Variants in BCAS3 observed in about 807,000 individuals in gnomAD.
BCAS3 encodes BCAS3 microtubule associated cell migration factor.
Under a neutral mutation model 116.1 loss-of-function variants are expected in BCAS3, and 53 were observed. The ratio of observed to expected loss-of-function variants is 0.46; its 90% confidence interval spans 0.37 to 0.57. The LOEUF (loss-of-function observed/expected upper bound fraction) is 0.57, where lower values mean the gene tolerates loss of function less well. Among genes scored for constraint, BCAS3 ranks in the 20% least tolerant of loss-of-function variants. The probability of loss-of-function intolerance (pLI) is 0.00; values close to 1 mark genes in which losing one functional copy is unlikely to be tolerated. For synonymous variants in BCAS3, 391 were observed against 408.2 expected, an observed-to-expected ratio of 0.96 and a Z score of 0.51; for missense variants, 917 against 1,165.4, an observed-to-expected ratio of 0.79 and a Z score of 3.10.
chr17:60,694,454 C>T (rs2035308657), intron 4 of BCAS3, among the ~76,000 whole-genome samples: 1 of 151,916 alleles, frequency 6.6e-6, no homozygotes, highest in Non-Finnish European at 1.5e-5. Flanking sequence ...CAAGCCGAGA[C>T]TGTGCCACTG....
chr17:61,384,625 G>A (rs2059759869), intron 23 of BCAS3: 1 of 152,290 alleles, frequency 6.6e-6, no homozygotes, highest in Non-Finnish European at 1.5e-5. Context: ...GGCCGATCCT[G>A]AGCATGGCTC....
intron 22 of BCAS3, among the ~76,000 whole-genome samples, chr17:61,183,286 T>C (rs962773508): frequency 2.6e-5 from 4 of 152,124 alleles, no homozygotes; most frequent in African/African-American, 7.2e-5. Flanking sequence ...TGTGAAGAGC[T>C]CATAAGAACA....
rs746644067 is a variant in BCAS3, at chr17:61,140,358, C to G, written c.2425+55794C>G. Among the ~76,000 whole-genome samples, 7 of 152,152 alleles carry G rather than the reference C, an allele frequency of 4.6e-5. No individual in the cohort carries two copies. Among genetic ancestry groups the G allele is most frequent in the Non-Finnish European group, 2.9e-5 (2 of 68,030 alleles). On this transcript the variant is annotated intron_variant, in intron 22 of 23. Transcript: ENST00000407086. This position sits in a 1 kb window ranked among gnomAD's most constrained non-coding sequence, Gnocchi z 4.2. ...GGATAGCTGTGGAAGATCCAACTGTCAAGGAAGGTTAGGACCAGACTCTGA... is the reference window on the plus strand; with the variant it reads ...GGATAGCTGTGGAAGATCCAACTGTGAAGGAAGGTTAGGACCAGACTCTGA...
In BCAS3 at chr17:61,313,647, C is replaced by T. The variant is rs181565126; in HGVS notation, c.2426-54680C>T. ...TCGGCGTCCTCCCTCGGGTCCTGCT[C>T]GCTGAAGAGGTACAGCATCTGGAGG... On this transcript the variant is annotated intron_variant, in intron 22 of 23. Transcript: ENST00000407086. This position sits in a 1 kb window ranked among gnomAD's most constrained non-coding sequence, Gnocchi z 4.3. 5.9e-5 allele frequency among the ~76,000 whole-genome samples: 9 copies of T among 152,304 alleles called. No homozygotes were observed. In the East Asian group the frequency reaches 9.7e-4, roughly 16 times the overall value.
At chr17:61,116,806 T>C (rs2109126) in intron 22 of BCAS3, among the ~76,000 whole-genome samples, 145,992 of 152,258 alleles carry the variant, frequency 0.96, 70,321 homozygotes, top group East Asian at 1. Context: ...GAAAAAAATA[T>C]TGTGTTACTT....
rs529994600 is a variant in BCAS3 at position 61,313,938 on chromosome 17, C to T, written c.2426-54389C>T. Among the ~76,000 whole-genome samples the T allele has an allele frequency of 6.6e-6, 1 of 152,350 alleles. No individual in the cohort carries two copies. Among genetic ancestry groups the T allele is most frequent in the Non-Finnish European group, 1.5e-5 (1 of 68,026 alleles). On this transcript the variant is annotated intron_variant, in intron 22 of 23. Coordinates refer to ENST00000407086, the MANE Select transcript of BCAS3 (RefSeq NM_017679.5). The surrounding 1 kb of genome is among the most constrained non-coding windows in gnomAD (Gnocchi z 4.3). ...ATACTTAGTGCTGGCTCCAGAGTCT[C>T]GTGGGGGAAGCCGGCTGGCAGCACA...
intron 23 of BCAS3, among the ~76,000 whole-genome samples, chr17:61,375,831 C>A (rs1253676067): frequency 1.3e-5 from 2 of 152,152 alleles, no homozygotes; most frequent in Non-Finnish European, 2.9e-5. Flanking sequence ...CCTCGGCCTC[C>A]CAAAGTGCTG....
In BCAS3 at chr17:61,016,514, G is replaced by T. The variant is rs1406975081; in HGVS notation, c.1637+613G>T. On this transcript the variant is annotated intron_variant, in intron 16 of 23. Coordinates refer to ENST00000407086, the MANE Select transcript of BCAS3 (RefSeq NM_017679.5). ...TATTTTAGCAATTTGCTACCCCTTA[G>T]GAATATAAGATTATCACTTCAATAG... Among the ~76,000 whole-genome samples the T allele has an allele frequency of 3.9e-5, 6 of 152,026 alleles. No homozygotes were observed. The East Asian group carries it at 1.2e-3, about 29-fold the overall frequency.
At chr17:60,830,191 A>G (rs1236582018) in intron 7 of BCAS3, among the ~76,000 whole-genome samples, 1 of 152,164 alleles carries the variant, frequency 6.6e-6, no homozygotes, top group Non-Finnish European at 1.5e-5. Flanking sequence ...GGGTTTCACC[A>G]TGTTAGCCAG....
chr17:61,157,835 C>T (rs2077950652), intron 22 of BCAS3, among the ~76,000 whole-genome samples: 1 of 152,182 alleles, frequency 6.6e-6, no homozygotes, highest in Admixed American at 6.5e-5. Context: ...TGTCTTCATT[C>T]ATCTATTTTA....
At chr17:60,771,475 T>A (rs937102520) in intron 6 of BCAS3, among the ~76,000 whole-genome samples, 1 of 152,198 alleles carries the variant, frequency 6.6e-6, no homozygotes, top group African/African-American at 2.4e-5. Context: ...ATCAAACTTT[T>A]AAAAGAAACG....
At chr17:61,304,637 A>G (rs932474326) in intron 22 of BCAS3, among the ~76,000 whole-genome samples, 1 of 151,990 alleles carries the variant, frequency 6.6e-6, no homozygotes, top group Non-Finnish European at 1.5e-5. Context: ...TTGGACTTTC[A>G]TAGAGCTCTG....
chr17:61,073,481 A>G lies in BCAS3; in HGVS notation c.2030-1439A>G, dbSNP rs542738554. The stretch of plus-strand genomic sequence containing the variant: ...CTAAGATACAGTTTTTCAAAATACT[A>G]CCTTGTTCTAGCAAGAGCTCAGTGA... On this transcript the variant is annotated intron_variant, in intron 19 of 23. Transcript: ENST00000407086. The surrounding 1 kb of genome is among the most constrained non-coding windows in gnomAD (Gnocchi z 4.6). Among the ~76,000 whole-genome samples the G allele has an allele frequency of 1.2e-4, 19 of 152,258 alleles. No individual in the cohort carries two copies. The highest frequency in any genetic ancestry group is 2.5e-4 in the Non-Finnish European group (17 of 68,010).
In BCAS3 at chr17:61,355,565, C is replaced by T. The variant is rs2058094471; in HGVS notation, c.2426-12762C>T. ...CCTAGGATCCTAATCCTGACTGTACCCTTGACCTTGTCATCTTAAGCAACA... is the reference window on the plus strand; with the variant it reads ...CCTAGGATCCTAATCCTGACTGTACTCTTGACCTTGTCATCTTAAGCAACA... On this transcript the variant is annotated intron_variant, in intron 22 of 23. Coordinates refer to ENST00000407086, the MANE Select transcript of BCAS3 (RefSeq NM_017679.5). This position sits in a 1 kb window ranked among gnomAD's most constrained non-coding sequence, Gnocchi z 4.2. Among the ~76,000 whole-genome samples the T allele has an allele frequency of 6.6e-6, 1 of 152,196 alleles. No homozygotes were observed. The highest frequency in any genetic ancestry group is 2.1e-4 in the South Asian group (1 of 4,832).
intron 16 of BCAS3, among the ~76,000 whole-genome samples, chr17:61,024,707 A>G (rs1349174867): frequency 2.0e-5 from 3 of 151,976 alleles, no homozygotes; most frequent in African/African-American, 7.2e-5. Flanking sequence ...TTTACATAAA[A>G]GGAAACCTAA....
Position 60,990,094 on chromosome 17 carries a change from C to G in BCAS3, c.1345C>G (p.Pro449Ala). Residue 449 changes from proline to alanine, a missense_variant, in exon 15 of 24, where the codon CCA (proline) becomes GCA (alanine). By Grantham distance (27) the Pro-to-Ala change is conservative. Transcript: ENST00000407086. The surrounding 1 kb of genome is among the most constrained non-coding windows in gnomAD (Gnocchi z 5.1). ...GCCTTGTGTTCGTACACATATGTCA[C>G]CACGAGTAGTGAATCGCATGAGCCG... Reference protein sequence around the residue: ...GQPCVRTHMSPRVVNRMSRFQ... With the variant: ...GQPCVRTHMSARVVNRMSRFQ... 6.2e-7 allele frequency: 1 copy of G among 1,614,168 alleles called. No homozygotes were observed. Among genetic ancestry groups the G allele is most frequent in the South Asian group, 1.1e-5 (1 of 91,072 alleles).
In BCAS3 at chr17:61,134,079, G is replaced by T. The variant is rs2143890275; in HGVS notation, c.2425+49515G>T. The stretch of plus-strand genomic sequence containing the variant: ...CTAACAAAGGAGTCATATACAAAAA[G>T]GGAGGAGAGGTAGAGTTGGCCTGAT... On this transcript the variant is annotated intron_variant, in intron 22 of 23. Transcript: ENST00000407086. This position sits in a 1 kb window ranked among gnomAD's most constrained non-coding sequence, Gnocchi z 4.6. Among the ~76,000 whole-genome samples the T allele has an allele frequency of 6.6e-6, 1 of 152,252 alleles. No homozygotes were observed. Among genetic ancestry groups the T allele is most frequent in the East Asian group, 1.9e-4 (1 of 5,182 alleles).
chr17:60,712,476 T>C (rs749747327), intron 5 of BCAS3, among the ~76,000 whole-genome samples: 4 of 152,214 alleles, frequency 2.6e-5, no homozygotes, highest in African/African-American at 4.8e-5. Context: ...TTATCTCATC[T>C]AATGTAGAAG....
chr17:60,978,416 G>GAGTA (rs1268779435), intron 14 of BCAS3, among the ~76,000 whole-genome samples: 8 of 151,288 alleles, frequency 5.3e-5, no homozygotes, highest in South Asian at 2.1e-4. Context: ...TTTGTGAGAT[G>GAGTA]AGTAGGTTGC....
Sources: allele counts gnomAD v4.1 joint callset (sites outside exome capture counted in the v4.1 genomes callset), GRCh38; gene constraint gnomAD v4.1.1; non-coding constraint Gnocchi (gnomAD v3.1); transcripts MANE v1.5; gene names NCBI Gene and HGNC (gene_info 2026-07-23, HGNC 2026-07-21).